ANAPC10: variants seen among roughly 807,000 people sequenced by gnomAD.
ANAPC10 encodes anaphase-promoting complex subunit 10.
Under a neutral mutation model 22.0 loss-of-function variants are expected in ANAPC10, and 12 were observed. The observed-to-expected ratio is 0.55, with a 90% confidence interval of 0.35 to 0.88. The LOEUF is 0.88. Among genes scored for constraint, ANAPC10 ranks in the 40% least tolerant of loss-of-function variants. The pLI is 0.01. For synonymous variants in ANAPC10, 65 were observed against 69.5 expected, an observed-to-expected ratio of 0.94 and a Z score of 0.32; for missense variants, 188 against 220.9, an observed-to-expected ratio of 0.85 and a Z score of 0.94.
chr4:145,012,582 GA>G (rs1734513327), intron 4 of ANAPC10, among the ~76,000 whole-genome samples: 1 of 151,972 alleles, frequency 6.6e-6, no homozygotes, highest in African/African-American at 2.4e-5. Flanking sequence ...TAAATTCCTT[GA>G]AAAATACAAT....
At chr4:145,019,813 T>C (rs1735717161) in intron 4 of ANAPC10, among the ~76,000 whole-genome samples, 1 of 152,144 alleles carries the variant, frequency 6.6e-6, no homozygotes, top group Non-Finnish European at 1.5e-5. Context: ...AATATGTTTA[T>C]GGGCATAAAC....
chr4:145,057,903 T>C (rs566021960), intron 4 of ANAPC10, among the ~76,000 whole-genome samples: 1 of 152,250 alleles, frequency 6.6e-6, no homozygotes, highest in South Asian at 2.1e-4. Context: ...TTATTTCAAA[T>C]ATAGGGAACC....
intron 4 of ANAPC10, among the ~76,000 whole-genome samples, chr4:145,019,995 C>CTA (rs1735749314): frequency 6.6e-6 from 1 of 152,090 alleles, no homozygotes; most frequent in Non-Finnish European, 1.5e-5. Flanking sequence ...CAGCAGAATT[C>CTA]TACCAGACTT....
chr4:145,038,257 A>G (rs2127112774), intron 4 of ANAPC10, among the ~76,000 whole-genome samples: 1 of 152,326 alleles, frequency 6.6e-6, no homozygotes, highest in African/African-American at 2.4e-5. Flanking sequence ...TCATGTCTAT[A>G]ATCCTCGCAC....
intron 4 of ANAPC10, among the ~76,000 whole-genome samples, chr4:145,031,508 G>A (rs1257682570): frequency 6.6e-6 from 1 of 152,138 alleles, no homozygotes; most frequent in Non-Finnish European, 1.5e-5. Flanking sequence ...GGATTCTGAA[G>A]GCAACACATT....
At chr4:145,022,142 A>G (rs1267324766) in intron 4 of ANAPC10, among the ~76,000 whole-genome samples, 1 of 152,208 alleles carries the variant, frequency 6.6e-6, no homozygotes, top group Non-Finnish European at 1.5e-5. Context: ...TTGATCCAGC[A>G]ATCTCAATAC....
chr4:145,065,118 A>C (rs1743488710), intron 3 of ANAPC10, among the ~76,000 whole-genome samples: 1 of 152,012 alleles, frequency 6.6e-6, no homozygotes, highest in Non-Finnish European at 1.5e-5. Context: ...TAGCTAAGTG[A>C]GGAACTGGGT....
At chr4:145,094,284 C>T (rs112179613) in intron 2 of ANAPC10, among the ~76,000 whole-genome samples, 1,887 of 152,174 alleles carry the variant, frequency 0.012, 43 homozygotes, top group African/African-American at 0.042. Context: ...CTGGGAAAGG[C>T]GAAACCAAAG....
At chr4:145,097,511 C>A in intron 1 of ANAPC10, 1 of 1,287,230 alleles carries the variant, frequency 7.8e-7, no homozygotes, top group South Asian at 1.2e-5. Context: ...CTTGACACCT[C>A]CCATTGTATC....
intron 4 of ANAPC10, among the ~76,000 whole-genome samples, chr4:145,038,809 G>A (rs1343061895): frequency 7.7e-6 from 1 of 130,010 alleles, no homozygotes; most frequent in Non-Finnish European, 1.6e-5. Flanking sequence ...GAGACAGAGT[G>A]AGACTCTGTC....
rs1027801317 is a variant in ANAPC10, at chr4:145,049,684, A to T, written c.327+14888T>A. Among the ~76,000 whole-genome samples, 5 of 152,104 alleles carry T rather than the reference A, an allele frequency of 3.3e-5. No homozygotes were observed. The East Asian group carries it at 9.7e-4, about 29-fold the overall frequency. ...AACCGCCGCCACCTAGGCTTAAGCA[A>T]TCCTCCCACCTCAGCCTCCCAAGTA... On this transcript the variant is annotated intron_variant, in intron 4 of 4. Coordinates refer to ENST00000507656, the MANE Select transcript of ANAPC10 (RefSeq NM_001256706.2).
chr4:145,055,999 C>T lies in ANAPC10; in HGVS notation c.327+8573G>A, dbSNP rs369716788. On this transcript the variant is annotated intron_variant, in intron 4 of 4. Transcript: ENST00000507656. Reference sequence around the variant, plus strand: ...CAGATAATCTCTTTGAAGCAAACTACACAAGCATGGGTCAATGGCAAGCCT... The same window carrying T: ...CAGATAATCTCTTTGAAGCAAACTATACAAGCATGGGTCAATGGCAAGCCT... 4.6e-4 allele frequency among the ~76,000 whole-genome samples: 70 copies of T among 152,268 alleles called. 1 individual carries two copies. In the South Asian group the frequency reaches 0.012, roughly 25 times the overall value.
chr4:145,048,504 C>T (rs1174093966), intron 4 of ANAPC10, among the ~76,000 whole-genome samples: 1 of 152,046 alleles, frequency 6.6e-6, no homozygotes, highest in Non-Finnish European at 1.5e-5. Flanking sequence ...AGATTCATTT[C>T]CAAAGGGTCA....
chr4:144,999,982 G>A (rs553779025), intron 4 of ANAPC10, among the ~76,000 whole-genome samples: 177 of 152,258 alleles, frequency 1.2e-3, no homozygotes, highest in African/African-American at 3.9e-3. Context: ...AATGGTGCTG[G>A]GAAAACTGGC....
intron 2 of ANAPC10, among the ~76,000 whole-genome samples, chr4:145,091,409 T>C (rs567915242): frequency 9.8e-5 from 15 of 152,300 alleles, no homozygotes; most frequent in African/African-American, 3.1e-4. Flanking sequence ...GTCATACTAA[T>C]AGATCAAACA....
In ANAPC10 at chr4:145,095,977, G is replaced by T; in HGVS notation, c.115+8C>A. ...TTTCCAACAGCTTTTTTGTTTGTTA[G>T]TTTTTACCTGGTTTGCAAGATGAGA... On this transcript the variant is annotated splice_region_variant and intron_variant, in intron 2 of 4. Transcript: ENST00000507656. 6.2e-7 allele frequency: 1 copy of T among 1,614,040 alleles called. No individual in the cohort carries two copies. The highest frequency in any genetic ancestry group is 1.7e-4 in the Middle Eastern group (1 of 6,060).
chr4:145,006,473 G>A (rs1365888191), intron 4 of ANAPC10, among the ~76,000 whole-genome samples: 1 of 152,084 alleles, frequency 6.6e-6, no homozygotes. Context: ...ATGTAGGGCA[G>A]TAGAAAGAAC....
chr4:145,067,378 G>A (rs1279107101), intron 3 of ANAPC10, among the ~76,000 whole-genome samples: 1 of 152,042 alleles, frequency 6.6e-6, no homozygotes, highest in Non-Finnish European at 1.5e-5. Flanking sequence ...GGAAGGAAGA[G>A]GGCAATACTT....
intron 4 of ANAPC10, among the ~76,000 whole-genome samples, chr4:145,063,617 A>C (rs954333472): frequency 6.6e-6 from 1 of 152,098 alleles, no homozygotes; most frequent in Non-Finnish European, 1.5e-5. Flanking sequence ...GGGCTTAATG[A>C]TTTTCTGACC....
Sources: allele counts gnomAD v4.1 joint callset (sites outside exome capture counted in the v4.1 genomes callset), GRCh38; gene constraint gnomAD v4.1.1; transcripts MANE v1.5; gene names NCBI Gene and HGNC (gene_info 2026-07-23, HGNC 2026-07-21).